LHCGR: variants seen among roughly 807,000 people sequenced by gnomAD.
LHCGR encodes lutropin-choriogonadotropic hormone receptor.
In LHCGR, 55 loss-of-function variants were observed where a neutral mutation model predicts 60.7. That is an observed-to-expected ratio of 0.91 (90% CI 0.73 to 1.13). LHCGR has a LOEUF of 1.13. Ranked by LOEUF, LHCGR falls within the 50% of genes most tolerant of loss-of-function variation. The pLI, the probability that LHCGR is intolerant of heterozygous loss-of-function variation, is 0.00. For synonymous variants in LHCGR, 337 were observed against 316.5 expected (o/e 1.06, Z -0.69); for missense variants, 862 against 836.0 (o/e 1.03, Z -0.38).
In LHCGR at chr2:48,687,933, G is replaced by T. The variant is rs1325590280; in HGVS notation, c.1864C>A (p.Leu622Met). The T allele has an allele frequency of 3.7e-6, 6 of 1,613,960 alleles. No homozygotes were observed. The African/African-American group carries it at 8.0e-5, about 22-fold the overall frequency. ...YPINSCANPF[L>M]YAIFTKTFQR... ...AATGTCTTAGTGAATATTGCATACA[G>T]AAATGGATTGGCACAAGAATTGATG... The change falls in exon 11 of 11, where the codon CTG (leucine) becomes ATG (methionine). Residue 622 changes from leucine (L) to methionine (M), a missense_variant. Physicochemically the swap from Leu to Met is conservative, Grantham distance 15. Coordinates refer to ENST00000294954, the MANE Select transcript of LHCGR (RefSeq NM_000233.4).
At chr2:48,750,944 A>G (rs114905434) in intron 1 of LHCGR, among the ~76,000 whole-genome samples, 95 of 152,392 alleles carry the variant, frequency 6.2e-4, no homozygotes, top group African/African-American at 2.2e-3. Flanking sequence ...ATAACAAAGA[A>G]TTATCTGGCC....
intron 1 of LHCGR, among the ~76,000 whole-genome samples, chr2:48,736,797 T>A (rs978586800): frequency 6.6e-6 from 1 of 152,234 alleles, no homozygotes; most frequent in East Asian, 1.9e-4. Flanking sequence ...GGGAGACATA[T>A]GCACTATCAA....
chr2:48,748,560 T>G (rs972979527), intron 1 of LHCGR, among the ~76,000 whole-genome samples: 1 of 152,186 alleles, frequency 6.6e-6, no homozygotes, highest in Non-Finnish European at 1.5e-5. Flanking sequence ...GCCTAGTGGG[T>G]CATTTTCTCT....
chr2:48,692,314 T>C (rs538032291), intron 10 of LHCGR, among the ~76,000 whole-genome samples: 1 of 152,248 alleles, frequency 6.6e-6, no homozygotes, highest in Non-Finnish European at 1.5e-5. Context: ...TTCTAAAAAT[T>C]CTGCCATGAT....
chr2:48,740,600 C>A (rs1459885395), intron 1 of LHCGR, among the ~76,000 whole-genome samples: 120 of 151,952 alleles, frequency 7.9e-4, no homozygotes, highest in African/African-American at 2.4e-3. Context: ...CTCACATGGC[C>A]GGGTACTCCA....
intron 8 of LHCGR, chr2:48,708,724 T>A: frequency 8.3e-6 from 5 of 600,442 alleles, no homozygotes; most frequent in Non-Finnish European, 1.5e-5. Context: ...ATTTTGGACA[T>A]CTAGCTTCCA....
At chr2:48,692,768 T>G (rs1169844753) in intron 10 of LHCGR, among the ~76,000 whole-genome samples, 2 of 152,180 alleles carry the variant, frequency 1.3e-5, no homozygotes, top group Non-Finnish European at 2.9e-5. Context: ...GGCTCTAGAA[T>G]TTCTAAACTC....
At chr2:48,705,458 T>C (rs1212935595) in intron 8 of LHCGR, among the ~76,000 whole-genome samples, 1 of 152,204 alleles carries the variant, frequency 6.6e-6, no homozygotes, top group Non-Finnish European at 1.5e-5. Flanking sequence ...TAATTTTGTG[T>C]CTCATTGATC....
chr2:48,727,598 T>G (rs1394636531), intron 3 of LHCGR, among the ~76,000 whole-genome samples: 1 of 152,228 alleles, frequency 6.6e-6, no homozygotes, highest in Non-Finnish European at 1.5e-5. Flanking sequence ...GGGAAGTCTG[T>G]TAAAACTGCA....
intron 2 of LHCGR, among the ~76,000 whole-genome samples, chr2:48,729,437 G>A (rs180819190): frequency 4.3e-4 from 66 of 152,256 alleles, no homozygotes; most frequent in Admixed American, 9.2e-4. Context: ...AAGTGCAGTT[G>A]AAATGCAAGT....
At chr2:48,725,334 T>C (rs2104455055) in intron 4 of LHCGR, among the ~76,000 whole-genome samples, 1 of 152,306 alleles carries the variant, frequency 6.6e-6, no homozygotes, top group Admixed American at 6.5e-5. Context: ...TTTCACCTAC[T>C]CTCTATTCAC....
At chr2:48,712,980 C>T (rs1016868460) in intron 7 of LHCGR, among the ~76,000 whole-genome samples, 3 of 152,090 alleles carry the variant, frequency 2.0e-5, no homozygotes, top group African/African-American at 4.8e-5. Context: ...AAATAAATAG[C>T]ATATTGTACA....
intron 3 of LHCGR, among the ~76,000 whole-genome samples, chr2:48,726,851 TATA>T (rs1040218157): frequency 3.9e-5 from 6 of 152,196 alleles, no homozygotes; most frequent in African/African-American, 9.6e-5. Flanking sequence ...TAACAATAGT[TATA>T]ATAGTTGCTG....
intron 1 of LHCGR, among the ~76,000 whole-genome samples, chr2:48,732,700 C>T (rs1440537830): frequency 1.3e-5 from 2 of 152,188 alleles, no homozygotes; most frequent in Non-Finnish European, 2.9e-5. Flanking sequence ...ACATTGCAAC[C>T]TTGCTTCTCC....
chr2:48,741,266 T>G (rs1437074566), intron 1 of LHCGR, among the ~76,000 whole-genome samples: 4 of 152,186 alleles, frequency 2.6e-5, no homozygotes, highest in Non-Finnish European at 4.4e-5. Context: ...GAAAACACTC[T>G]GCAGGTTATT....
intron 1 of LHCGR, among the ~76,000 whole-genome samples, chr2:48,738,216 A>C (rs1477750610): frequency 6.6e-6 from 1 of 152,084 alleles, no homozygotes; most frequent in African/African-American, 2.4e-5. Context: ...TCTACACTTA[A>C]TTACTACACT....
chr2:48,730,422 T>C (rs919760016), intron 2 of LHCGR, among the ~76,000 whole-genome samples: 2 of 152,186 alleles, frequency 1.3e-5, no homozygotes, highest in African/African-American at 4.8e-5. Context: ...GAGGAATTAT[T>C]TTAAATATTC....
chr2:48,706,743 T>C (rs1250195489), intron 8 of LHCGR, among the ~76,000 whole-genome samples: 2 of 152,230 alleles, frequency 1.3e-5, no homozygotes, highest in Admixed American at 6.5e-5. Context: ...CTCCGTCACG[T>C]CATTTATGTT....
At chr2:48,740,595 A>G (rs1248927820) in intron 1 of LHCGR, among the ~76,000 whole-genome samples, 1 of 152,118 alleles carries the variant, frequency 6.6e-6, no homozygotes, top group African/African-American at 2.4e-5. Context: ...GACACCTCAC[A>G]TGGCCGGGTA....
Sources: gnomAD v4.1 joint callset for allele counts (sites outside exome capture counted in the v4.1 genomes callset) on GRCh38, gnomAD v4.1.1 for gene constraint, MANE v1.5 for transcripts, NCBI Gene and HGNC (gene_info 2026-07-23, HGNC 2026-07-21) for gene names.